The following ACCS variants were observed in gnomAD, a reference collection of about 807,000 sequenced individuals.
ACCS encodes the protein 1-aminocyclopropane-1-carboxylate synthase-like protein 1.
A neutral mutation model predicts 59.8 loss-of-function variants in ACCS; 42 were observed. The ratio of observed to expected loss-of-function variants is 0.70; its 90% CI spans 0.55 to 0.91. The LOEUF is 0.91. Among genes scored for constraint, ACCS ranks in the 40% least tolerant of loss-of-function variants. The pLI is 0.00. For synonymous variants in ACCS, 230 were observed against 240.3 expected (o/e 0.96, Z 0.40); for missense variants, 602 against 630.4 (o/e 0.95, Z 0.48).
intron 10 of ACCS, 103 bp downstream of exon 10, chr11:44,079,723 T>G: frequency 9.9e-7 from 1 of 1,008,872 alleles, no homozygotes; most frequent in Non-Finnish European, 1.5e-6. Flanking sequence ...CCAGAGCAAT[T>G]CCATTTCCAC....
rs1952800952 is a variant in ACCS at position 44,066,473 on chromosome 11, C to T, written c.-229C>T. ...CCTGGAGCCGTCTCTCGCGAGACGTCCTCCGCCCTGTAGAAGGCCGTTTCG... is the reference window on the plus strand; with the variant it reads ...CCTGGAGCCGTCTCTCGCGAGACGTTCTCCGCCCTGTAGAAGGCCGTTTCG... On this transcript the variant is annotated 5_prime_UTR_variant, in exon 1 of 15. Coordinates refer to ENST00000263776, the MANE Select transcript of ACCS (RefSeq NM_032592.4). 1.3e-5 allele frequency: 2 copies of T among 152,330 alleles called. No homozygotes were observed. The highest frequency in any genetic ancestry group is 2.1e-4 in the South Asian group (1 of 4,834). 9.4% of individuals were successfully genotyped at this position (152,330 alleles called of 1,614,324 possible).
intron 10 of ACCS, chr11:44,080,675 G>T: frequency 5.7e-6 from 2 of 351,340 alleles, no homozygotes; most frequent in East Asian, 6.3e-5. Context: ...AGGGAGCTGT[G>T]AGAGGATCTG....
chr11:44,076,311 G>A (rs1953358333), intron 6 of ACCS, among the ~76,000 whole-genome samples: 1 of 152,176 alleles, frequency 6.6e-6, no homozygotes, highest in African/African-American at 2.4e-5. Context: ...AACATTTATT[G>A]ACCACGTACT....
chr11:44,075,521 C>G lies in ACCS; in HGVS notation c.490-5C>G, dbSNP rs1380792270. On this transcript the variant is annotated splice_region_variant and splice_polypyrimidine_tract_variant and intron_variant, in intron 5 of 14. Coordinates refer to ENST00000263776, the MANE Select transcript of ACCS (RefSeq NM_032592.4). ...ATCTTCATCCCTTGGATATGTCGCC[C>G]TTAGGTGGTTGTCCTGAATGGTGGT... The G allele has an allele frequency of 1.9e-6, 3 of 1,614,012 alleles. No individual in the cohort carries two copies. Among genetic ancestry groups the G allele is most frequent in the African/African-American group, 2.7e-5 (2 of 74,938 alleles).
rs771119452 is a variant in ACCS at position 44,083,275 on chromosome 11, T to C, written c.1218T>C (p.Arg406=). ...CATTGGGGATCCCCTTCTTGAGTCG[T>C]GGGGCTGGCTTCTTCATCTGGGTTG... ...LRALGIPFLS[R]GAGFFIWVDL... The change falls in exon 13 of 15, where the codon CGT becomes CGC. Residue 406 remains arginine (R), a synonymous_variant. Coordinates refer to ENST00000263776, the MANE Select transcript of ACCS (RefSeq NM_032592.4). The C allele has an allele frequency of 3.7e-6, 6 of 1,614,094 alleles. No individual in the cohort carries two copies. The highest frequency in any genetic ancestry group is 5.1e-6 in the Non-Finnish European group (6 of 1,180,012).
At chr11:44,070,315 A>G (rs1041509848) in intron 2 of ACCS, among the ~76,000 whole-genome samples, 7 of 152,226 alleles carry the variant, frequency 4.6e-5, no homozygotes, top group African/African-American at 1.4e-4. Context: ...TTGTAATAAT[A>G]TAGACAAGAA....
At chr11:44,073,098 C>T (rs983070262) in intron 3 of ACCS, among the ~76,000 whole-genome samples, 1 of 152,124 alleles carries the variant, frequency 6.6e-6, no homozygotes, top group African/African-American at 2.4e-5. Flanking sequence ...CTTCTATCAC[C>T]CCATGGAGAT....
intron 5 of ACCS, among the ~76,000 whole-genome samples, 200 bp from the exon 6 acceptor site, chr11:44,075,326 C>G (rs1351637543): frequency 6.6e-6 from 1 of 152,202 alleles, no homozygotes; most frequent in African/African-American, 2.4e-5. Flanking sequence ...ATGACCAGCC[C>G]CCTCTTCCTG....
Position 44,067,789 on chromosome 11 carries a change from C to T in ACCS, c.162C>T (p.Ala54=), listed in dbSNP as rs140350489. The T allele has an allele frequency of 1.1e-5, 18 of 1,614,052 alleles. No homozygotes were observed. The highest frequency in any genetic ancestry group is 3.3e-4 in the Middle Eastern group (2 of 6,084). ...LPELRGVGDP[A]MISSDTSYLS... The stretch of plus-strand genomic sequence containing the variant: ...AGCTCCGTGGAGTGGGTGATCCTGC[C>T]ATGATCTCCTCTGATACCTCCTACC... Residue 54 remains alanine, a synonymous_variant, in exon 2 of 15, where the codon GCC becomes GCT. Transcript: ENST00000263776.
At chr11:44,069,401 G>T (rs185286867) in intron 2 of ACCS, among the ~76,000 whole-genome samples, 1 of 152,166 alleles carries the variant, frequency 6.6e-6, no homozygotes, top group Admixed American at 6.5e-5. Flanking sequence ...ATTTTTAGTA[G>T]AGACAGGGTT....
At chr11:44,082,645 G>C (rs1394657825) in intron 12 of ACCS, among the ~76,000 whole-genome samples, 3 of 152,132 alleles carry the variant, frequency 2.0e-5, no homozygotes, top group African/African-American at 2.4e-5. Flanking sequence ...ACAGCATCAG[G>C]GTGTTCTTTA....
At chr11:44,083,635 T>C in intron 14 of ACCS, 58 bp downstream of exon 14, 1 of 1,614,160 alleles carries the variant, frequency 6.2e-7, no homozygotes, top group Non-Finnish European at 8.5e-7. Flanking sequence ...TGGCCTCCGC[T>C]TGTTTGTCCC....
intron 8 of ACCS, chr11:44,078,291 G>C (rs1953472365): frequency 3.1e-6 from 1 of 322,576 alleles, no homozygotes; most frequent in South Asian, 6.8e-5. Flanking sequence ...TGTGGGGGGA[G>C]CTGAGGACTC....
In ACCS at chr11:44,083,294, TG is replaced by T. The variant is rs1565186056; in HGVS notation, c.1240del (p.Val414LeufsTer3). 1.9e-6 allele frequency: 3 copies of T among 1,614,148 alleles called. No individual in the cohort carries two copies. The South Asian group carries it at 3.3e-5, about 18-fold the overall frequency. On this transcript the variant is annotated frameshift_variant, in exon 13 of 15. Transcript: ENST00000263776. LOFTEE classifies it high-confidence loss of function. The part of the protein sequence containing the change: ...FLSRGAGFFI[W>X]VDLRKYLPKG... The stretch of plus-strand genomic sequence containing the variant: ...GAGTCGTGGGGCTGGCTTCTTCATC[TG>T]GGTTGACTTGAGAAAGGTAATGCTG...
chr11:44,077,245 A>C (rs113544542), intron 6 of ACCS, 34 bp from the exon 7 acceptor site: 1 of 1,605,258 alleles, frequency 6.2e-7, no homozygotes, highest in South Asian at 1.1e-5. Flanking sequence ...TTCTGGCCAG[A>C]AAGTGACAGG....
At chr11:44,069,597 C>T (rs1952954484) in intron 2 of ACCS, among the ~76,000 whole-genome samples, 1 of 152,232 alleles carries the variant, frequency 6.6e-6, no homozygotes, top group African/African-American at 2.4e-5. Flanking sequence ...GCTGTGGTCT[C>T]ATCTGAAAGG....
Position 44,084,053 on chromosome 11 carries a change from G to A in ACCS, c.*261G>A. 1 of 613,932 alleles carries A rather than the reference G, an allele frequency of 1.6e-6. No individual in the cohort carries two copies. The highest frequency in any genetic ancestry group is 2.5e-6 in the Non-Finnish European group (1 of 395,414). The allele number at this position is 613,932 out of a possible 1,614,324, so 38.0% of individuals were successfully genotyped here. On this transcript the variant is annotated 3_prime_UTR_variant, in exon 15 of 15. Coordinates refer to ENST00000263776, the MANE Select transcript of ACCS (RefSeq NM_032592.4). ...TCCATTGTGAGTTATTTAGAATGGA[G>A]GAGTCGTGACTGCTTCTAACCAGAG...
rs750328711 is a variant in ACCS at position 44,081,033 on chromosome 11, C to T, written c.937C>T (p.Gln313Ter). ...TGCTCTCTGCAGGCTCCCTGACCCC[C>T]AGAGGACCCATGTGATGTGGGCAAC... Reference protein sequence around the residue: ...VLSLERLPDPQRTHVMWATSK... With the variant: ...VLSLERLPDP Residue 313 changes from glutamine (Q) to a stop codon, truncating the protein, a stop_gained, in exon 11 of 15, where the codon CAG (glutamine) becomes TAG (stop). Coordinates refer to ENST00000263776, the MANE Select transcript of ACCS (RefSeq NM_032592.4). LOFTEE classifies it high-confidence loss of function. 6.2e-7 allele frequency: 1 copy of T among 1,614,202 alleles called. No individual in the cohort carries two copies. Among genetic ancestry groups the T allele is most frequent in the Non-Finnish European group, 8.5e-7 (1 of 1,180,032 alleles).
chr11:44,074,526 T>C (rs1953214124), intron 4 of ACCS, 86 bp from the exon 5 acceptor site: 2 of 1,015,414 alleles, frequency 2.0e-6, no homozygotes, highest in East Asian at 2.4e-5. Context: ...TGATGGCAGC[T>C]GCCTGAGGAT....
Sources: gnomAD v4.1 joint callset for allele counts (sites outside exome capture counted in the v4.1 genomes callset) on GRCh38, gnomAD v4.1.1 for gene constraint, MANE v1.5 for transcripts, NCBI Gene and HGNC (gene_info 2026-07-23, HGNC 2026-07-21) for gene names.